The following GSKIP variants were observed in gnomAD, a reference collection of about 807,000 sequenced individuals.
GSKIP encodes the protein GSK3B-interacting protein.
GSKIP carries 5 observed loss-of-function variants against 11.9 expected under a neutral mutation model. The observed-to-expected ratio is 0.42, with a 90% CI of 0.22 to 0.89. The LOEUF is 0.89. GSKIP is among the 40% of genes least tolerant of loss of function. GSKIP has a pLI of 0.29. For missense variants in GSKIP, 150 were observed against 166.6 expected (o/e 0.90, Z 0.55); for synonymous variants, 70 against 62.9 (o/e 1.11, Z -0.54).
At chr14:96,376,557 G>A (rs1466247976) in intron 1 of GSKIP, among the ~76,000 whole-genome samples, 1 of 152,122 alleles carries the variant, frequency 6.6e-6, no homozygotes, top group African/African-American at 2.4e-5. Flanking sequence ...TGAGACCTCC[G>A]TAAGACCAAT....
chr14:96,383,128 G>A (rs904634532), intron 3 of GSKIP, among the ~76,000 whole-genome samples: 1 of 152,114 alleles, frequency 6.6e-6, no homozygotes, highest in African/African-American at 2.4e-5. Flanking sequence ...AAAAACTATA[G>A]GCCAGACCTG....
chr14:96,374,555 A>T (rs1889144808), intron 1 of GSKIP, among the ~76,000 whole-genome samples: 2 of 152,182 alleles, frequency 1.3e-5, no homozygotes, highest in Admixed American at 1.3e-4. Context: ...TATTTTAGAG[A>T]CACAGGCTCT....
chr14:96,379,417 A>G (rs749673796), intron 1 of GSKIP, among the ~76,000 whole-genome samples: 27 of 152,196 alleles, frequency 1.8e-4, no homozygotes, highest in Admixed American at 7.9e-4. Flanking sequence ...TTAGTACGGG[A>G]AGGGAGCATT....
chr14:96,387,287 A>G lies in GSKIP; in HGVS notation c.*1603A>G, dbSNP rs1042841496. 6.6e-6 allele frequency: 1 copy of G among 152,260 alleles called. No individual in the cohort carries two copies. Among genetic ancestry groups the G allele is most frequent in the African/African-American group, 2.4e-5 (1 of 41,470 alleles). 9.4% of individuals were successfully genotyped at this position (152,260 alleles called of 1,614,324 possible). On this transcript the variant is annotated 3_prime_UTR_variant, in exon 4 of 4. Transcript: ENST00000555181. The stretch of plus-strand genomic sequence containing the variant: ...CATTTTGTGATAAATGATTAATTCC[A>G]AGAGCTTGTTTCCATTTTTTAATTC...
At chr14:96,364,289 A>C (rs924692341) in intron 1 of GSKIP, 8 of 152,186 alleles carry the variant, frequency 5.3e-5, no homozygotes, top group Non-Finnish European at 1.0e-4. Context: ...ACTGACACCT[A>C]TTAGCCGCCC....
At chr14:96,379,448 T>C (rs1033780409) in intron 1 of GSKIP, among the ~76,000 whole-genome samples, 2 of 152,178 alleles carry the variant, frequency 1.3e-5, no homozygotes. Flanking sequence ...TTGGAAAATA[T>C]GGGTGGTCAT....
intron 1 of GSKIP, among the ~76,000 whole-genome samples, chr14:96,372,591 A>T (rs764772626): frequency 6.6e-6 from 1 of 152,258 alleles, no homozygotes; most frequent in Non-Finnish European, 1.5e-5. Context: ...CATTTAATTC[A>T]TTAATGAAAC....
At chr14:96,376,613 G>T (rs1317936938) in intron 1 of GSKIP, among the ~76,000 whole-genome samples, 2 of 152,200 alleles carry the variant, frequency 1.3e-5, no homozygotes, top group Non-Finnish European at 2.9e-5. Flanking sequence ...AGTGATAAGA[G>T]TTTGTAGTAG....
intron 1 of GSKIP, among the ~76,000 whole-genome samples, chr14:96,369,319 G>T (rs1361110084): frequency 6.6e-6 from 1 of 152,182 alleles, no homozygotes; most frequent in Non-Finnish European, 1.5e-5. Context: ...AAAAATATGG[G>T]AAAATATGCA....
intron 1 of GSKIP, chr14:96,364,718 G>A (rs1888819436): frequency 6.6e-6 from 1 of 152,158 alleles, no homozygotes; most frequent in Non-Finnish European, 1.5e-5. Context: ...AGAAATATTT[G>A]TTAAGGTCCA....
At chr14:96,369,153 A>G (rs977780313) in intron 1 of GSKIP, among the ~76,000 whole-genome samples, 1 of 152,206 alleles carries the variant, frequency 6.6e-6, no homozygotes, top group Non-Finnish European at 1.5e-5. Context: ...GCTTTGTGGA[A>G]GGCCCAACTT....
chr14:96,368,034 C>T (rs1295219222), intron 1 of GSKIP, among the ~76,000 whole-genome samples: 2 of 150,210 alleles, frequency 1.3e-5, no homozygotes, highest in African/African-American at 2.4e-5. Context: ...CCAAGTAATA[C>T]TTATTTCCTA....
intron 2 of GSKIP, 131 bp downstream of exon 2, chr14:96,379,919 A>C (rs1484559645): frequency 6.6e-6 from 1 of 152,248 alleles, no homozygotes; most frequent in Non-Finnish European, 1.5e-5. Flanking sequence ...TGATAACTTA[A>C]GCAAAATTAA....
At chr14:96,369,484 C>T (rs901363455) in intron 1 of GSKIP, among the ~76,000 whole-genome samples, 22 of 152,270 alleles carry the variant, frequency 1.4e-4, no homozygotes, top group African/African-American at 4.8e-4. Flanking sequence ...CATCACAAGT[C>T]TAGAAGACAA....
intron 1 of GSKIP, among the ~76,000 whole-genome samples, chr14:96,373,229 C>CAAAAAAAAAAAAAAAAAAAAAAA (rs57931398): frequency 1.2e-5 from 1 of 82,812 alleles, no homozygotes; most frequent in Non-Finnish European, 2.2e-5. Context: ...GACTCTGTCT[C>CAAAAAAAAAAAAAAAAAAAAAAA]AAAAAAAAAA....
intron 1 of GSKIP, among the ~76,000 whole-genome samples, chr14:96,369,896 A>T (rs1888997091): frequency 6.6e-6 from 1 of 152,162 alleles, no homozygotes; most frequent in Non-Finnish European, 1.5e-5. Flanking sequence ...AGCCACTGGC[A>T]GTGTGCACCC....
At chr14:96,381,395 A>G (rs1889340297) in intron 2 of GSKIP, among the ~76,000 whole-genome samples, 1 of 152,236 alleles carries the variant, frequency 6.6e-6, no homozygotes, top group Non-Finnish European at 1.5e-5. Flanking sequence ...CCATTTGGAA[A>G]ATAAAGTTAT....
intron 1 of GSKIP, among the ~76,000 whole-genome samples, chr14:96,370,740 T>C (rs1380541519): frequency 6.6e-6 from 1 of 152,216 alleles, no homozygotes; most frequent in African/African-American, 2.4e-5. Context: ...CGGAAGCAGC[T>C]GGAGGCCATT....
At chr14:96,383,929 CTG>C (rs1349472261) in intron 3 of GSKIP, among the ~76,000 whole-genome samples, 1 of 152,084 alleles carries the variant, frequency 6.6e-6, no homozygotes, top group East Asian at 1.9e-4. Flanking sequence ...TCTAAGTTGA[CTG>C]TGGAGAGGTA....
Sources: allele counts gnomAD v4.1 joint callset (sites outside exome capture counted in the v4.1 genomes callset), GRCh38; gene constraint gnomAD v4.1.1; transcripts MANE v1.5; gene names NCBI Gene and HGNC (gene_info 2026-07-23, HGNC 2026-07-21).